Variants in ST6GALNAC3 observed in about 807,000 individuals in gnomAD.
ST6GALNAC3 encodes alpha-N-acetylgalactosaminide alpha-2,6-sialyltransferase 3.
Under a neutral mutation model 32.7 loss-of-function variants are expected in ST6GALNAC3, and 25 were observed. The observed-to-expected ratio is 0.76, with a 90% CI of 0.56 to 1.07. The LOEUF is 1.07. Ranked by LOEUF, ST6GALNAC3 falls within the 50% of genes least tolerant of loss-of-function variation. ST6GALNAC3 has a pLI of 0.00. For synonymous variants in ST6GALNAC3, 129 were observed against 133.1 expected (o/e 0.97, Z 0.21); for missense variants, 355 against 382.4 (o/e 0.93, Z 0.60).
intron 2 of ST6GALNAC3, among the ~76,000 whole-genome samples, chr1:76,345,181 C>T (rs1648398637): frequency 6.6e-6 from 1 of 152,288 alleles, no homozygotes; most frequent in Admixed American, 6.5e-5. Flanking sequence ...CAGGCTCCTT[C>T]TCCCCCGGAC....
intron 3 of ST6GALNAC3, among the ~76,000 whole-genome samples, chr1:76,531,393 A>G (rs538152329): frequency 6.6e-6 from 1 of 152,304 alleles, no homozygotes; most frequent in South Asian, 2.1e-4. Context: ...CACGGGAACT[A>G]CACTGGGAAT....
chr1:76,347,897 G>T (rs1017617609), intron 2 of ST6GALNAC3, among the ~76,000 whole-genome samples: 10 of 152,236 alleles, frequency 6.6e-5, no homozygotes, highest in African/African-American at 9.6e-5. Context: ...ATGGTGCCTG[G>T]TCCATGGTGT....
At chr1:76,272,055 C>T (rs1267786822) in intron 1 of ST6GALNAC3, among the ~76,000 whole-genome samples, 1 of 151,840 alleles carries the variant, frequency 6.6e-6, no homozygotes. Flanking sequence ...AAGCCGGGCG[C>T]GGTGGCTCAC....
chr1:76,616,151 C>T (rs764973389), intron 3 of ST6GALNAC3, among the ~76,000 whole-genome samples: 5 of 152,044 alleles, frequency 3.3e-5, no homozygotes, highest in Non-Finnish European at 7.4e-5. Flanking sequence ...GATTGCCAGC[C>T]GAACTGTGTA....
chr1:76,082,241 C>T (rs1278301631), intron 1 of ST6GALNAC3, among the ~76,000 whole-genome samples: 1 of 152,104 alleles, frequency 6.6e-6, no homozygotes, highest in Non-Finnish European at 1.5e-5. Flanking sequence ...AGGCATTTTT[C>T]TAATTGGAGG....
chr1:76,582,356 G>A (rs764306967), intron 3 of ST6GALNAC3, among the ~76,000 whole-genome samples: 1 of 152,126 alleles, frequency 6.6e-6, no homozygotes, highest in Non-Finnish European at 1.5e-5. Flanking sequence ...TTCTGAGACA[G>A]AGCATCTGAA....
intron 3 of ST6GALNAC3, among the ~76,000 whole-genome samples, chr1:76,501,072 C>G (rs572127038): frequency 6.6e-6 from 1 of 152,264 alleles, no homozygotes; most frequent in East Asian, 1.9e-4. Context: ...CTCTTTTTAC[C>G]CTTGTTCCAA....
chr1:76,330,008 C>T (rs143169565), intron 2 of ST6GALNAC3, among the ~76,000 whole-genome samples: 1,882 of 151,878 alleles, frequency 0.012, 38 homozygotes, highest in African/African-American at 0.043. Flanking sequence ...GTGATTTCAC[C>T]ATGTTGGTCA....
chr1:76,377,702 G>A (rs1036248400), intron 2 of ST6GALNAC3, among the ~76,000 whole-genome samples: 43 of 151,972 alleles, frequency 2.8e-4, no homozygotes, highest in Non-Finnish European at 5.1e-4. Flanking sequence ...CTTACCACCT[G>A]GTAGACCTCA....
At chr1:76,494,449 A>G (rs1298316969) in intron 3 of ST6GALNAC3, among the ~76,000 whole-genome samples, 3 of 83,896 alleles carry the variant, frequency 3.6e-5, no homozygotes, top group Non-Finnish European at 7.3e-5. Context: ...ATATATATAT[A>G]TATATATATA....
In ST6GALNAC3 at chr1:76,516,503, TTC is replaced by T. The variant is rs1013841785; in HGVS notation, c.623+104088_623+104089del. ...ATGCAAGCTTTTTTACACAAAAGAT[TTC>T]TAGAAGTGAGCTTGCTATGTCAGAG... is the stretch of plus-strand genomic sequence containing the variant. On this transcript the variant is annotated intron_variant, in intron 3 of 4. Transcript: ENST00000328299. Among the ~76,000 whole-genome samples the T allele has an allele frequency of 1.2e-4, 18 of 152,262 alleles. No homozygotes were observed. In the South Asian group the frequency reaches 3.5e-3, roughly 30 times the overall value.
intron 1 of ST6GALNAC3, among the ~76,000 whole-genome samples, chr1:76,258,722 AAGGGGTTT>A (rs1658061052): frequency 6.6e-6 from 1 of 152,156 alleles, no homozygotes; most frequent in Non-Finnish European, 1.5e-5. Context: ...TGCAGCCCTC[AAGGGGTTT>A]GCAGTCTAGC....
chr1:76,310,516 A>T (rs1646741121), intron 1 of ST6GALNAC3, among the ~76,000 whole-genome samples: 1 of 152,044 alleles, frequency 6.6e-6, no homozygotes, highest in South Asian at 2.1e-4. Flanking sequence ...ATGGGAGGTG[A>T]GCAAGAAGCA....
intron 1 of ST6GALNAC3, among the ~76,000 whole-genome samples, chr1:76,237,933 T>C (rs1018405294): frequency 6.6e-6 from 1 of 152,222 alleles, no homozygotes; most frequent in Admixed American, 6.5e-5. Flanking sequence ...ATGAATTACA[T>C]TGATGTTGAT....
intron 3 of ST6GALNAC3, among the ~76,000 whole-genome samples, chr1:76,560,105 A>G (rs1408025368): frequency 6.6e-6 from 1 of 152,168 alleles, no homozygotes; most frequent in African/African-American, 2.4e-5. Flanking sequence ...TCTTCAATAA[A>G]TGATGCTGGG....
intron 3 of ST6GALNAC3, among the ~76,000 whole-genome samples, chr1:76,505,489 G>A (rs1018146730): frequency 6.6e-6 from 1 of 152,152 alleles, no homozygotes; most frequent in Non-Finnish European, 1.5e-5. Flanking sequence ...ACTACAGCTT[G>A]TCCTACATCA....
At chr1:76,327,639 G>A (rs894885905) in intron 2 of ST6GALNAC3, among the ~76,000 whole-genome samples, 1 of 152,210 alleles carries the variant, frequency 6.6e-6, no homozygotes, top group African/African-American at 2.4e-5. Flanking sequence ...GCCCGGGCGG[G>A]AGGGCAGTGG....
intron 1 of ST6GALNAC3, among the ~76,000 whole-genome samples, chr1:76,228,761 T>G (rs1656210311): frequency 6.6e-6 from 1 of 152,186 alleles, no homozygotes; most frequent in Non-Finnish European, 1.5e-5. Context: ...TGTAACCCCT[T>G]TTATTTTAGC....
chr1:76,381,193 A>T (rs1280454511), intron 2 of ST6GALNAC3, among the ~76,000 whole-genome samples: 1 of 151,400 alleles, frequency 6.6e-6, no homozygotes, highest in Admixed American at 6.6e-5. Flanking sequence ...AAAAGAAAAA[A>T]AAAAAGACCA....
Sources: allele counts gnomAD v4.1 joint callset (sites outside exome capture counted in the v4.1 genomes callset), GRCh38; gene constraint gnomAD v4.1.1; transcripts MANE v1.5; gene names NCBI Gene and HGNC (gene_info 2026-07-23, HGNC 2026-07-21).